RAD51B: variants seen among roughly 807,000 people sequenced by gnomAD.
RAD51B encodes DNA repair protein RAD51 homolog 2.
A neutral mutation model predicts 42.2 loss-of-function variants in RAD51B; 38 were observed. The observed-to-expected ratio is 0.90, with a 90% CI of 0.70 to 1.18. The LOEUF (loss-of-function observed/expected upper bound fraction) is 1.18. Among genes scored for constraint, RAD51B ranks in the 50% most tolerant of loss-of-function variants. The pLI is 0.00. For synonymous variants in RAD51B, 154 were observed against 145.2 expected (o/e 1.06, Z -0.43); for missense variants, 373 against 400.7 (o/e 0.93, Z 0.59).
intron 8 of RAD51B, chr14:68,339,050 A>G: frequency 4.5e-6 from 3 of 670,668 alleles, no homozygotes; most frequent in South Asian, 4.4e-5. Flanking sequence ...TGGGATCGAC[A>G]TCGTGTGCAG....
At chr14:68,612,078 T>C (rs1364308722), downstream of RAD51B, among the ~76,000 whole-genome samples, 1 of 152,208 alleles carries the variant, frequency 6.6e-6, no homozygotes, top group East Asian at 1.9e-4. Flanking sequence ...TTAAAAGTGC[T>C]CTACACTGCA....
At chr14:68,508,417 A>G (rs1885491466) in intron 10 of RAD51B, among the ~76,000 whole-genome samples, 1 of 152,186 alleles carries the variant, frequency 6.6e-6, no homozygotes, top group Non-Finnish European at 1.5e-5. Flanking sequence ...AGAGACAGTG[A>G]GGTACAGGCC....
chr14:67,994,615 G>A (rs2075351194), intron 7 of RAD51B, among the ~76,000 whole-genome samples: 1 of 152,120 alleles, frequency 6.6e-6, no homozygotes, highest in African/African-American at 2.4e-5. Flanking sequence ...AAGGCAGGGA[G>A]GGGTCACCAC....
chr14:68,331,383 A>AAAAAAAAAAAAAAAAAAAAAAAAAAC (rs2082347882), intron 8 of RAD51B, among the ~76,000 whole-genome samples: 1 of 148,294 alleles, frequency 6.7e-6, no homozygotes, highest in Non-Finnish European at 1.5e-5. Flanking sequence ...AAAAAAAAAA[A>AAAAAAAAAAAAAAAAAAAAAAAAAAC]AAGCAATGGT....
At chr14:68,595,399 T>A (rs903217254) in exon 11 of RAD51B, 14 of 1,066,530 alleles carry the variant, frequency 1.3e-5, no homozygotes, top group Middle Eastern at 4.2e-4. Context: ...AATGCATCCA[T>A]GAACAAATGA....
chr14:68,598,132 A>T (rs142711642), downstream of RAD51B, among the ~76,000 whole-genome samples: 57 of 152,370 alleles, frequency 3.7e-4, 1 homozygote, highest in African/African-American at 1.4e-3. Flanking sequence ...AAGAGGTGGT[A>T]TCAGTAGGAA....
chr14:68,008,875 T>TCATTGA (rs1425543530), intron 7 of RAD51B, among the ~76,000 whole-genome samples: 1 of 152,002 alleles, frequency 6.6e-6, no homozygotes, highest in Admixed American at 6.6e-5. Flanking sequence ...TTTTCCTCCC[T>TCATTGA]CATTGATTAT....
intron 7 of RAD51B, among the ~76,000 whole-genome samples, chr14:68,145,957 C>T (rs1371359034): frequency 2.0e-5 from 3 of 152,128 alleles, no homozygotes; most frequent in African/African-American, 7.2e-5. Flanking sequence ...CTGAAACTTA[C>T]TGAACTATGT....
intron 10 of RAD51B, among the ~76,000 whole-genome samples, chr14:68,605,832 A>T (rs908392804): frequency 1.3e-5 from 2 of 152,108 alleles, no homozygotes; most frequent in African/African-American, 4.8e-5. Context: ...ACCCGCCCCT[A>T]ACCTCTGCAC....
At chr14:67,965,051 A>C (rs2074742726) in intron 7 of RAD51B, among the ~76,000 whole-genome samples, 1 of 152,228 alleles carries the variant, frequency 6.6e-6, no homozygotes, top group South Asian at 2.1e-4. Flanking sequence ...CAGCAGGTGC[A>C]GCACAGAGAA....
intron 9 of RAD51B, among the ~76,000 whole-genome samples, chr14:68,428,735 ATATATATATATATATATATATATATATAT>A (rs2084919615): frequency 2.1e-4 from 7 of 33,048 alleles, no homozygotes; most frequent in Admixed American, 1.4e-3. Flanking sequence ...ATATATATAT[ATATATATATATATATATATATATATATAT>A]AATTATTATA....
chr14:68,047,459 G>A (rs1348395651), intron 7 of RAD51B, among the ~76,000 whole-genome samples: 1 of 151,976 alleles, frequency 6.6e-6, no homozygotes, highest in Non-Finnish European at 1.5e-5. Context: ...CGAAAAGAAC[G>A]AGGAAAAATA....
chr14:68,207,041 TGGCCTCCCAAA>T (rs2079604995), intron 7 of RAD51B, among the ~76,000 whole-genome samples: 1 of 152,126 alleles, frequency 6.6e-6, no homozygotes, highest in East Asian at 1.9e-4. Flanking sequence ...CCGCCCGCCT[TGGCCTCCCAAA>T]GTGCTGGGAT....
intron 7 of RAD51B, among the ~76,000 whole-genome samples, chr14:68,276,816 A>G (rs533984142): frequency 7.9e-5 from 12 of 152,324 alleles, no homozygotes; most frequent in African/African-American, 2.6e-4. Context: ...AGTTCATCAG[A>G]AAGAGGGTAG....
At chr14:68,105,458 A>G (rs1184795766) in intron 7 of RAD51B, among the ~76,000 whole-genome samples, 1 of 152,004 alleles carries the variant, frequency 6.6e-6, no homozygotes, top group Non-Finnish European at 1.5e-5. Flanking sequence ...GGTTGTTAAT[A>G]AGAAACTCGT....
intron 7 of RAD51B, among the ~76,000 whole-genome samples, chr14:67,989,791 GA>G (rs1313169556): frequency 6.6e-6 from 1 of 152,076 alleles, no homozygotes; most frequent in African/African-American, 2.4e-5. Context: ...CCTTAGCCTT[GA>G]GGGTGTGAGT....
chr14:68,641,893 A>G (rs992060420), intron 10 of RAD51B, among the ~76,000 whole-genome samples: 2 of 150,106 alleles, frequency 1.3e-5, no homozygotes, highest in African/African-American at 4.9e-5. Context: ...CATTGATGTG[A>G]TGGATTACAT....
At chr14:68,659,750 A>G (rs1280129828) in intron 11 of RAD51B, among the ~76,000 whole-genome samples, 5 of 152,196 alleles carry the variant, frequency 3.3e-5, no homozygotes, top group African/African-American at 1.2e-4. Context: ...CTGGGGCCCT[A>G]TGGGCCCAAT....
At chr14:68,522,342 A>C (rs1227054661) in intron 10 of RAD51B, among the ~76,000 whole-genome samples, 1 of 152,210 alleles carries the variant, frequency 6.6e-6, no homozygotes. Flanking sequence ...GAGAAAACCG[A>C]AAAATGCTAC....
Sources: allele counts gnomAD v4.1 joint callset (sites outside exome capture counted in the v4.1 genomes callset), GRCh38; gene constraint gnomAD v4.1.1; transcripts MANE v1.5; gene names NCBI Gene and HGNC (gene_info 2026-07-23, HGNC 2026-07-21).